Variants in MGAT4C observed in about 807,000 individuals in gnomAD.
MGAT4C encodes the protein MGAT4 family member C, also known as alpha-1,3-mannosyl-glycoprotein 4-beta-N-acetylglucosaminyltransferase C.
In MGAT4C, 19 loss-of-function variants were observed where a neutral mutation model predicts 40.1. The ratio of observed to expected loss-of-function variants is 0.47; its 90% CI spans 0.33 to 0.70. The LOEUF (loss-of-function observed/expected upper bound fraction) is 0.70. Ranked by LOEUF, MGAT4C falls within the 30% of genes least tolerant of loss-of-function variation. MGAT4C has a pLI of 0.02. For missense variants in MGAT4C, 491 were observed against 563.2 expected (o/e 0.87, Z 1.30); for synonymous variants, 181 against 187.1 (o/e 0.97, Z 0.27).
intron 2 of MGAT4C, among the ~76,000 whole-genome samples, chr12:86,723,420 T>C (rs1721958597): frequency 6.6e-6 from 1 of 152,186 alleles, no homozygotes; most frequent in South Asian, 2.1e-4. Context: ...GAAATCAAGA[T>C]GGCCCTTTGA....
At chr12:86,537,971 C>T (rs1216056544) in intron 2 of MGAT4C, among the ~76,000 whole-genome samples, 1 of 152,056 alleles carries the variant, frequency 6.6e-6, no homozygotes, top group Admixed American at 6.6e-5. Flanking sequence ...CCTGTAATCC[C>T]AGCTACTCGG....
chr12:86,401,037 C>T (rs1381685137), intron 3 of MGAT4C, among the ~76,000 whole-genome samples: 2 of 151,648 alleles, frequency 1.3e-5, no homozygotes, highest in Non-Finnish European at 1.5e-5. Flanking sequence ...AATTGAATAC[C>T]CCTATTTATA....
At chr12:86,231,454 G>T (rs1029998573) in intron 1 of MGAT4C, among the ~76,000 whole-genome samples, 3 of 152,040 alleles carry the variant, frequency 2.0e-5, no homozygotes, top group African/African-American at 7.2e-5. Flanking sequence ...CATAAACAAA[G>T]GATTGGCTTA....
intron 1 of MGAT4C, among the ~76,000 whole-genome samples, chr12:86,215,199 T>C (rs888422337): frequency 6.6e-6 from 1 of 152,130 alleles, no homozygotes; most frequent in Non-Finnish European, 1.5e-5. Flanking sequence ...TGGAGCCACC[T>C]CATCATCTCT....
intron 2 of MGAT4C, among the ~76,000 whole-genome samples, chr12:86,555,457 C>T (rs1400799663): frequency 1.3e-5 from 2 of 152,068 alleles, no homozygotes; most frequent in South Asian, 4.1e-4. Context: ...TGTCCGGGGT[C>T]CAGGGTCTAA....
rs1379823004 is a variant in MGAT4C, at chr12:85,968,662, T to G, written c.*10627A>C. ...GAATTTTACTGTGGTACAGTCTTAG[T>G]TGCTCCGTGGTTGTCAAATCTGTCT... On this transcript the variant is annotated 3_prime_UTR_variant, in exon 5 of 5. Coordinates refer to ENST00000611864, the MANE Select transcript of MGAT4C (RefSeq NM_001351288.2). The G allele has an allele frequency of 6.6e-6, 1 of 151,924 alleles. No individual in the cohort carries two copies. The highest frequency in any genetic ancestry group is 2.4e-5 in the African/African-American group (1 of 41,410). The allele number at this position is 151,924 out of a possible 1,614,324, so 9.4% of individuals were successfully genotyped here.
chr12:86,452,569 C>T (rs534715456), intron 2 of MGAT4C, among the ~76,000 whole-genome samples: 22 of 152,066 alleles, frequency 1.4e-4, no homozygotes, highest in African/African-American at 4.6e-4. Context: ...AAGTAAATTA[C>T]ACATGAAATA....
chr12:85,976,046 G>C lies in MGAT4C; in HGVS notation c.*3243C>G, dbSNP rs1461630248. ...CAATATTTGAGCATCTAAAAATGTAGGTACTTTCCATACCACATCATATAT... is the reference window on the plus strand; with the variant it reads ...CAATATTTGAGCATCTAAAAATGTACGTACTTTCCATACCACATCATATAT... On this transcript the variant is annotated 3_prime_UTR_variant, in exon 5 of 5. Transcript: ENST00000611864. 2.0e-5 allele frequency: 3 copies of C among 150,814 alleles called. No homozygotes were observed. 9.3% of individuals were successfully genotyped at this position (150,814 alleles called of 1,614,324 possible). A position where few individuals can be genotyped will look rare whatever the true frequency, so the allele number is the denominator to read the frequency against.
chr12:86,502,557 C>CA (rs775083622), intron 2 of MGAT4C, among the ~76,000 whole-genome samples: 34 of 151,246 alleles, frequency 2.2e-4, no homozygotes, highest in Non-Finnish European at 3.1e-4. Flanking sequence ...AAGCATATGA[C>CA]ATATTACTAG....
chr12:86,720,846 G>T (rs1318906703), intron 2 of MGAT4C, among the ~76,000 whole-genome samples: 1 of 152,136 alleles, frequency 6.6e-6, no homozygotes, highest in Non-Finnish European at 1.5e-5. Flanking sequence ...TAATTAAAAT[G>T]AATCCTCTCA....
At chr12:86,559,570 G>C (rs1253227497) in intron 2 of MGAT4C, among the ~76,000 whole-genome samples, 2 of 151,824 alleles carry the variant, frequency 1.3e-5, no homozygotes, top group Non-Finnish European at 2.9e-5. Context: ...GGTTAATGAA[G>C]AAATTAAGAT....
At chr12:86,774,396 CCTCTCTCTCT>C (rs148122088) in intron 1 of MGAT4C, among the ~76,000 whole-genome samples, 4 of 92,194 alleles carry the variant, frequency 4.3e-5, no homozygotes, top group Non-Finnish European at 6.7e-5. Flanking sequence ...CTCTCTCTCT[CCTCTCTCTCT>C]CTCTCTCTCT....
rs1252505262 is a variant in MGAT4C at position 86,197,665 on chromosome 12, CGTT to C, written c.-57+58571_-57+58573del. The stretch of plus-strand genomic sequence containing the variant: ...TTATAAGCCACCTTACTCTATGAAA[CGTT>C]GTTATAGCAGCTCAAACTAAGATAG... On this transcript the variant is annotated intron_variant, in intron 1 of 4. Transcript: ENST00000611864. Among the ~76,000 whole-genome samples the C allele has an allele frequency of 2.0e-4, 31 of 152,214 alleles. No individual in the cohort carries two copies. The South Asian group carries it at 2.3e-3, about 11-fold the overall frequency.
At chr12:86,777,068 A>G (rs1391782828) in intron 1 of MGAT4C, among the ~76,000 whole-genome samples, 1 of 152,202 alleles carries the variant, frequency 6.6e-6, no homozygotes, top group Non-Finnish European at 1.5e-5. Flanking sequence ...GGCAAGACTA[A>G]TATAAAAAAT....
rs943138590 is a variant in MGAT4C, at chr12:85,964,999, C to T, written c.*14290G>A. ...GAAAACCGTGGAGTCTTTCTATTCT[C>T]TGTCAAATGTGGAGGTCATGGATCC... On this transcript the variant is annotated 3_prime_UTR_variant, in exon 5 of 5. Transcript: ENST00000611864. The T allele has an allele frequency of 6.6e-6, 1 of 152,254 alleles. No homozygotes were observed. Among genetic ancestry groups the T allele is most frequent in the East Asian group, 1.9e-4 (1 of 5,168 alleles). The allele number at this position is 152,254 out of a possible 1,614,324, so 9.4% of individuals were successfully genotyped here.
At position 85,969,465 on chromosome 12, in the gene MGAT4C, G is replaced by T. The variant is rs1293364794; in HGVS notation, c.*9824C>A. On this transcript the variant is annotated 3_prime_UTR_variant, in exon 5 of 5. Coordinates refer to ENST00000611864, the MANE Select transcript of MGAT4C (RefSeq NM_001351288.2). ...GTTATAATTTTTGGAGTCTTTTAGT[G>T]TACCCAGAGCCCATGAGTTTTTATT... 6.6e-6 allele frequency: 1 copy of T among 151,592 alleles called. No homozygotes were observed. The highest frequency in any genetic ancestry group is 1.5e-5 in the Non-Finnish European group (1 of 67,678). 9.4% of individuals were successfully genotyped at this position (151,592 alleles called of 1,614,324 possible). A position where few individuals can be genotyped will look rare whatever the true frequency, so the allele number is the denominator to read the frequency against.
chr12:86,396,073 C>T (rs1565730495), intron 3 of MGAT4C, among the ~76,000 whole-genome samples: 2 of 151,830 alleles, frequency 1.3e-5, no homozygotes, highest in South Asian at 4.1e-4. Context: ...CAGGTAATAA[C>T]TATCATTCAA....
At chr12:86,140,137 G>A (rs964835345) in intron 1 of MGAT4C, among the ~76,000 whole-genome samples, 2 of 151,786 alleles carry the variant, frequency 1.3e-5, no homozygotes, top group African/African-American at 4.8e-5. Context: ...CTTCTTCCTG[G>A]AACTCTTTAA....
At chr12:86,402,286 G>A (rs189773117) in intron 3 of MGAT4C, among the ~76,000 whole-genome samples, 63 of 152,098 alleles carry the variant, frequency 4.1e-4, no homozygotes, top group Non-Finnish European at 6.3e-4. Flanking sequence ...CTAGCAAGGC[G>A]TGGTGGCATG....
Sources: gnomAD v4.1 joint callset for allele counts (sites outside exome capture counted in the v4.1 genomes callset) on GRCh38, gnomAD v4.1.1 for gene constraint, MANE v1.5 for transcripts, NCBI Gene and HGNC (gene_info 2026-07-23, HGNC 2026-07-21) for gene names.